F13A1: variants seen among roughly 807,000 people sequenced by gnomAD.
F13A1 encodes FSF, A subunit.
Under a neutral mutation model 80.1 loss-of-function variants are expected in F13A1, and 47 were observed. The ratio of observed to expected loss-of-function variants is 0.59; its 90% confidence interval spans 0.46 to 0.75. F13A1 has a LOEUF of 0.75. F13A1 is among the 30% of genes least tolerant of loss of function. The pLI is 0.00. For missense variants in F13A1, 817 were observed against 930.4 expected (o/e 0.88, Z 1.59); for synonymous variants, 349 against 344.9 (o/e 1.01, Z -0.13).
At chr6:6,293,311 A>C (rs906943184) in intron 3 of F13A1, among the ~76,000 whole-genome samples, 9 of 152,074 alleles carry the variant, frequency 5.9e-5, no homozygotes, top group African/African-American at 2.2e-4. Context: ...GCAGGGGCCC[A>C]TGTCAAAGTA....
chr6:6,197,239 G>C lies in F13A1; in HGVS notation c.1200C>G (p.Pro400=). The change falls in exon 9 of 15, where the codon CCC becomes CCG. Residue 400 remains proline, a synonymous_variant. Coordinates refer to ENST00000264870, the MANE Select transcript of F13A1 (RefSeq NM_000129.4). The part of the protein sequence containing the change: ...FGGWQAVDST[P]QENSDGMYRC... Reference sequence around the variant, plus strand: ...CAGTTTTACCATCGCTATTTTCCTGGGGGGTGCTGTCCACAGCTTGCCAGC... The same window carrying C: ...CAGTTTTACCATCGCTATTTTCCTGCGGGGTGCTGTCCACAGCTTGCCAGC... 1 of 1,614,134 alleles carries C rather than the reference G, an allele frequency of 6.2e-7. No individual in the cohort carries two copies. Among genetic ancestry groups the C allele is most frequent in the South Asian group, 1.1e-5 (1 of 91,078 alleles).
intron 3 of F13A1, among the ~76,000 whole-genome samples, chr6:6,279,755 C>A (rs963535548): frequency 6.6e-5 from 10 of 152,152 alleles, no homozygotes; most frequent in African/African-American, 2.4e-4. Flanking sequence ...GCAGAATGAG[C>A]CTTCTAGGTT....
At chr6:6,286,521 G>A (rs1758142056) in intron 3 of F13A1, among the ~76,000 whole-genome samples, 1 of 152,110 alleles carries the variant, frequency 6.6e-6, no homozygotes. Flanking sequence ...TTTCACTCCT[G>A]CTCTAAAACT....
At position 6,250,940 on chromosome 6, in the gene F13A1, G is replaced by A; in HGVS notation, c.572-11C>T. The A allele has an allele frequency of 6.4e-7, 1 of 1,554,334 alleles. No homozygotes were observed. The highest frequency in any genetic ancestry group is 8.9e-7 in the Non-Finnish European group (1 of 1,126,658). ...GATACACAGCATCATCTGCATCAGGGTTTAAACATAGTGACTATTACCAAA... is the reference window on the plus strand; with the variant it reads ...GATACACAGCATCATCTGCATCAGGATTTAAACATAGTGACTATTACCAAA... On this transcript the variant is annotated splice_polypyrimidine_tract_variant and intron_variant, in intron 4 of 14. Transcript: ENST00000264870. The surrounding 1 kb of genome is among the most constrained non-coding windows in gnomAD (Gnocchi z 4.2).
At chr6:6,288,483 T>C (rs1192014354) in intron 3 of F13A1, among the ~76,000 whole-genome samples, 1 of 152,228 alleles carries the variant, frequency 6.6e-6, no homozygotes, top group Non-Finnish European at 1.5e-5. Context: ...TCTACCCTTG[T>C]TGAGAATGGC....
chr6:6,168,527 A>T (rs1336790689), intron 12 of F13A1, among the ~76,000 whole-genome samples: 1 of 152,216 alleles, frequency 6.6e-6, no homozygotes, highest in Admixed American at 6.5e-5. Flanking sequence ...GTATGTGCCG[A>T]CAGCTGGCAG....
intron 11 of F13A1, 87 bp downstream of exon 11, chr6:6,181,901 A>T (rs1760994378): frequency 6.8e-7 from 1 of 1,467,922 alleles, no homozygotes; most frequent in Admixed American, 1.7e-5. Flanking sequence ...ATGCCAGTGC[A>T]TTCTCTGGAA....
intron 8 of F13A1, among the ~76,000 whole-genome samples, chr6:6,212,100 G>T (rs566913460): frequency 2.0e-5 from 3 of 152,266 alleles, no homozygotes; most frequent in Admixed American, 6.5e-5. Flanking sequence ...CAAGGCTGGC[G>T]GAGGGGCGCC....
At chr6:6,245,512 C>A (rs1211942960) in intron 6 of F13A1, among the ~76,000 whole-genome samples, 2 of 152,224 alleles carry the variant, frequency 1.3e-5, no homozygotes, top group Admixed American at 6.5e-5. Context: ...GCGTGAGCCA[C>A]CGTTCCTGGC....
chr6:6,224,770 C>T lies in F13A1; in HGVS notation c.889G>A (p.Val297Ile), dbSNP rs199564311. 4.0e-5 allele frequency: 64 copies of T among 1,614,094 alleles called. No homozygotes were observed. In the East Asian group the frequency reaches 4.5e-4, roughly 11 times the overall value. ...CTCCGGTATTCCAATAGAATGTCAA[C>T]GCTTCCAGTCCAGGCCGATGGGGGG... ...GVPPSAWTGS[V>I]DILLEYRSSE... Residue 297 changes from valine (V) to isoleucine (I), a missense_variant, in exon 7 of 15, where the codon GTT becomes ATT. Val to Ile is a conservative substitution (Grantham distance 29, BLOSUM62 3). Transcript: ENST00000264870.
intron 8 of F13A1, among the ~76,000 whole-genome samples, chr6:6,200,608 G>A (rs529168869): frequency 2.6e-5 from 4 of 152,096 alleles, no homozygotes; most frequent in Admixed American, 6.5e-5. Context: ...TAGGGCAGGG[G>A]CTAGCATGTA....
At chr6:6,208,325 T>A (rs114154311) in intron 8 of F13A1, among the ~76,000 whole-genome samples, 2 of 152,132 alleles carry the variant, frequency 1.3e-5, no homozygotes, top group African/African-American at 4.8e-5. Flanking sequence ...GGTAGGCCAA[T>A]TGAAATTATC....
In F13A1 at chr6:6,248,434, A is replaced by T. The variant is rs769159914; in HGVS notation, c.691-15T>A. 1 of 1,606,446 alleles carries T rather than the reference A, an allele frequency of 6.2e-7. No homozygotes were observed. Among genetic ancestry groups the T allele is most frequent in the South Asian group, 1.1e-5 (1 of 90,596 alleles). ...CCATCTTCAAACTATTTGGAGAAAG[A>T]AAAACAAAGAGAAACTAGTGTTCAC... On this transcript the variant is annotated splice_polypyrimidine_tract_variant and intron_variant, in intron 5 of 14. Coordinates refer to ENST00000264870, the MANE Select transcript of F13A1 (RefSeq NM_000129.4).
chr6:6,309,928 C>T (rs1758566751), intron 2 of F13A1, among the ~76,000 whole-genome samples: 1 of 152,186 alleles, frequency 6.6e-6, no homozygotes, highest in Non-Finnish European at 1.5e-5. Flanking sequence ...GCCTTGGCTT[C>T]CCAAGCAGCT....
At chr6:6,208,025 T>C (rs1402203752) in intron 8 of F13A1, among the ~76,000 whole-genome samples, 2 of 152,154 alleles carry the variant, frequency 1.3e-5, no homozygotes, top group Non-Finnish European at 2.9e-5. Context: ...ATCAGAAAAG[T>C]ATAGCCCATA....
rs774606062 is a variant in F13A1 at position 6,145,630 on chromosome 6, G to A, written c.2188C>T (p.Pro730Ser). 1 of 1,614,016 alleles carries A rather than the reference G, an allele frequency of 6.2e-7. No individual in the cohort carries two copies. The highest frequency in any genetic ancestry group is 1.3e-5 in the African/African-American group (1 of 74,904). ...AGCTTCCTGTGCATTCACATGGAAG[G>A]TCGTCTTTGAATCTGCACGTCCAGC... The part of the protein sequence containing the change: ...GELDVQIQRR[P>S]SM Residue 730 changes from proline (P) to serine (S), a missense_variant, in exon 15 of 15, where the codon CCT becomes TCT. Coordinates refer to ENST00000264870, the MANE Select transcript of F13A1 (RefSeq NM_000129.4).
At chr6:6,191,560 G>A (rs538750876) in intron 10 of F13A1, among the ~76,000 whole-genome samples, 3 of 152,280 alleles carry the variant, frequency 2.0e-5, no homozygotes, top group South Asian at 4.1e-4. Flanking sequence ...TGGAAAGCAG[G>A]CTTGGGGGCT....
chr6:6,269,858 C>A (rs761076624), intron 3 of F13A1, among the ~76,000 whole-genome samples: 2 of 151,950 alleles, frequency 1.3e-5, no homozygotes, highest in Non-Finnish European at 2.9e-5. Context: ...GGATTACAGG[C>A]GCCCACCATC....
intron 6 of F13A1, among the ~76,000 whole-genome samples, chr6:6,231,863 A>T (rs1270741809): frequency 1.3e-5 from 2 of 151,324 alleles, no homozygotes; most frequent in African/African-American, 4.9e-5. Flanking sequence ...AGCCTTTTTC[A>T]GACAAACAAA....
Sources: allele counts gnomAD v4.1 joint callset (sites outside exome capture counted in the v4.1 genomes callset), GRCh38; gene constraint gnomAD v4.1.1; non-coding constraint Gnocchi (gnomAD v3.1); transcripts MANE v1.5; gene names NCBI Gene and HGNC (gene_info 2026-07-23, HGNC 2026-07-21).